Variants in TTC39B observed in about 807,000 individuals in gnomAD.
TTC39B encodes the protein tetratricopeptide repeat domain 39B.
Under a neutral mutation model 96.6 loss-of-function variants are expected in TTC39B, and 92 were observed. The ratio of observed to expected loss-of-function variants is 0.95; its 90% CI spans 0.80 to 1.13. TTC39B has a LOEUF of 1.13. Ranked by LOEUF, TTC39B falls within the 50% of genes most tolerant of loss-of-function variation. TTC39B has a pLI of 0.00. For synonymous variants in TTC39B, 367 were observed against 299.4 expected, an observed-to-expected ratio of 1.23 and a Z score of -2.33; for missense variants, 955 against 809.3, an observed-to-expected ratio of 1.18 and a Z score of -2.18.
exon 1 of TTC39B, chr9:15,307,141 G>A (rs375765583): frequency 1.1e-4 from 175 of 1,607,846 alleles, no homozygotes; most frequent in Non-Finnish European, 1.4e-4. Flanking sequence ...TCCTCTGGCT[G>A]CTGCCACCCA....
At chr9:15,295,454 T>C (rs899515435) in intron 1 of TTC39B, among the ~76,000 whole-genome samples, 177 of 152,244 alleles carry the variant, frequency 1.2e-3, no homozygotes, top group African/African-American at 4.2e-3. Flanking sequence ...CTTCTAACCC[T>C]GATTCTGTGC....
At chr9:15,170,309 T>C (rs549566783) in exon 20 of TTC39B, 1 of 152,234 alleles carries the variant, frequency 6.6e-6, no homozygotes, top group Admixed American at 6.5e-5. Context: ...AGCAGGTTCA[T>C]ATAACCTGGG....
intron 1 of TTC39B, among the ~76,000 whole-genome samples, chr9:15,293,275 G>T (rs1276518048): frequency 1.3e-5 from 2 of 152,122 alleles, no homozygotes; most frequent in African/African-American, 4.8e-5. Flanking sequence ...TTGTGTAAGT[G>T]CACTATGATG....
At chr9:15,169,601 T>G (rs1253875165) in exon 20 of TTC39B, 1 of 152,160 alleles carries the variant, frequency 6.6e-6, no homozygotes, top group African/African-American at 2.4e-5. Flanking sequence ...CAAAATGCAA[T>G]ATTAGCTGAT....
At chr9:15,203,834 T>G in exon 7 of TTC39B, 2 of 1,612,866 alleles carry the variant, frequency 1.2e-6, no homozygotes, top group Admixed American at 1.7e-5. Context: ...TGCACAAACG[T>G]GAGTGCAGCT....
chr9:15,301,219 T>C (rs901056162), intron 1 of TTC39B, among the ~76,000 whole-genome samples: 3 of 152,236 alleles, frequency 2.0e-5, no homozygotes, highest in African/African-American at 7.2e-5. Context: ...CCTGTTGTCT[T>C]AGTGCAATTA....
chr9:15,240,864 G>A (rs866409800), intron 2 of TTC39B, among the ~76,000 whole-genome samples: 18 of 152,030 alleles, frequency 1.2e-4, no homozygotes, highest in African/African-American at 4.1e-4. Context: ...TCTATTTCCT[G>A]CATTGATAAC....
At chr9:15,191,160 G>C (rs1818834557) in intron 10 of TTC39B, 30 bp downstream of exon 10, 2 of 1,490,202 alleles carry the variant, frequency 1.3e-6, no homozygotes, top group African/African-American at 2.8e-5. Flanking sequence ...TATCTTCCCT[G>C]TCAAAATTAA....
chr9:15,186,741 C>T, intron 15 of TTC39B: 1 of 470,308 alleles, frequency 2.1e-6, no homozygotes, highest in Non-Finnish European at 3.8e-6. Context: ...GTCACCCAGG[C>T]TGCAGTGCAA....
At chr9:15,300,691 G>A (rs1824551752) in intron 1 of TTC39B, among the ~76,000 whole-genome samples, 1 of 152,122 alleles carries the variant, frequency 6.6e-6, no homozygotes, top group East Asian at 1.9e-4. Context: ...TTCGAAAGCA[G>A]CCTGGCCAAC....
chr9:15,262,669 G>C lies in TTC39B; in HGVS notation c.275+5245C>G, dbSNP rs974247522. On this transcript the variant is annotated intron_variant, in intron 2 of 19. Coordinates refer to ENST00000512701, the Ensembl canonical transcript of TTC39B. ...TGTGTTGAGAGTGGTAAATTCATTA[G>C]GCAGAAAAAGAAAAATAAGAAACTA... 1.5e-4 allele frequency among the ~76,000 whole-genome samples: 23 copies of C among 152,042 alleles called. 1 individual carries two copies. The highest frequency in any genetic ancestry group is 7.9e-4 in the Admixed American group (12 of 15,268).
chr9:15,183,960 C>T (rs950165104), intron 16 of TTC39B, among the ~76,000 whole-genome samples: 4 of 152,156 alleles, frequency 2.6e-5, no homozygotes, highest in Admixed American at 1.3e-4. Flanking sequence ...AGGTGCTAGG[C>T]GCAGGCTAAC....
In TTC39B at chr9:15,271,517, G is replaced by A. The variant is rs542280045; in HGVS notation, c.241-3569C>T. ...GACATTAGATTCTCATAAGGAGTGC[G>A]CAACCTAGATCACTTGCATGCACAT... is the stretch of plus-strand genomic sequence containing the variant. On this transcript the variant is annotated intron_variant, in intron 1 of 19. Coordinates refer to ENST00000512701, the Ensembl canonical transcript of TTC39B. Among the ~76,000 whole-genome samples the A allele has an allele frequency of 9.9e-5, 15 of 152,182 alleles. No homozygotes were observed. In the East Asian group the frequency reaches 1.2e-3, roughly 12 times the overall value.
At chr9:15,267,802 G>A in intron 2 of TTC39B, 112 bp downstream of exon 2, 14 of 849,898 alleles carry the variant, frequency 1.6e-5, no homozygotes, top group Non-Finnish European at 2.5e-5. Flanking sequence ...TTTTTTTTCT[G>A]AAAATAGCCA....
chr9:15,253,883 C>T (rs1822655194), intron 2 of TTC39B, among the ~76,000 whole-genome samples: 1 of 152,102 alleles, frequency 6.6e-6, no homozygotes, highest in Admixed American at 6.6e-5. Flanking sequence ...TAAACAATAA[C>T]ATCTCCAACT....
At chr9:15,190,606 T>C in exon 11 of TTC39B, 2 of 1,614,230 alleles carry the variant, frequency 1.2e-6, no homozygotes, top group South Asian at 1.1e-5. Flanking sequence ...AGCAGCACAG[T>C]GCAGACCTCA....
chr9:15,202,653 A>C (rs1239713777), intron 7 of TTC39B, among the ~76,000 whole-genome samples: 1 of 151,806 alleles, frequency 6.6e-6, no homozygotes, highest in Admixed American at 6.6e-5. Flanking sequence ...CAGACGTTGC[A>C]GTGAGCCGAG....
At chr9:15,220,199 C>T (rs1245645262) in intron 3 of TTC39B, among the ~76,000 whole-genome samples, 1 of 152,222 alleles carries the variant, frequency 6.6e-6, no homozygotes, top group East Asian at 1.9e-4. Context: ...TCCAAGTCCC[C>T]TGCACCTGTG....
intron 7 of TTC39B, among the ~76,000 whole-genome samples, chr9:15,202,168 T>C (rs1412052765): frequency 6.6e-6 from 1 of 152,074 alleles, no homozygotes; most frequent in Non-Finnish European, 1.5e-5. Flanking sequence ...AATCCCCAAA[T>C]ATAAAATAAG....
Sources: allele counts gnomAD v4.1 joint callset (sites outside exome capture counted in the v4.1 genomes callset), GRCh38; gene constraint gnomAD v4.1.1; transcripts MANE v1.5; gene names NCBI Gene and HGNC (gene_info 2026-07-23, HGNC 2026-07-21).